DRD4: variants seen among roughly 807,000 people sequenced by gnomAD.
DRD4 encodes dopamine receptor D4, also known as D(4) dopamine receptor.
Under a neutral mutation model 22.1 loss-of-function variants are expected in DRD4, and 26 were observed. The observed-to-expected ratio is 1.17, with a 90% confidence interval of 0.86 to 1.63. The LOEUF is 1.63. Ranked by LOEUF, DRD4 falls within the 40% of genes most tolerant of loss-of-function variation. The probability of loss-of-function intolerance (pLI) is 0.00; values close to 1 mark genes in which losing one functional copy is unlikely to be tolerated. For synonymous variants in DRD4, 455 were observed against 306.7 expected, an observed-to-expected ratio of 1.48 and a Z score of -5.05; for missense variants, 913 against 632.4, an observed-to-expected ratio of 1.44 and a Z score of -4.76.
At position 637,359 on chromosome 11, in the gene DRD4, G is replaced by C. The variant is rs1858081781; in HGVS notation, c.55G>C (p.Ala19Pro). The change falls in exon 1 of 4, where the codon GCC becomes CCC. Residue 19 changes from alanine (A) to proline (P), a missense_variant. Transcript: ENST00000176183. ...ADGLLAGRGP[A>P]AGASAGASAG... The stretch of plus-strand genomic sequence containing the variant: ...CGGGCTGCTGGCTGGGCGCGGGCCG[G>C]CCGCGGGGGCATCTGCGGGGGCATC... 7.6e-7 allele frequency: 1 copy of C among 1,308,950 alleles called. No individual in the cohort carries two copies. The highest frequency in any genetic ancestry group is 1.6e-5 in the African/African-American group (1 of 64,280). 81.1% of individuals were successfully genotyped at this position (1,308,950 alleles called of 1,614,324 possible). A position where few individuals can be genotyped will look rare whatever the true frequency, so the allele number is the denominator to read the frequency against.
At chr11:638,442 C>T (rs2133249113) in intron 1 of DRD4, among the ~76,000 whole-genome samples, 1 of 152,310 alleles carries the variant, frequency 6.6e-6, no homozygotes, top group East Asian at 1.9e-4. Flanking sequence ...CTCCTAATCT[C>T]CCCAAATCGG....
Position 637,546 on chromosome 11 carries a change from T to A in DRD4, c.242T>A (p.Leu81His), listed in dbSNP as rs759566156. The A allele has an allele frequency of 9.8e-6, 15 of 1,523,106 alleles. No individual in the cohort carries two copies. The highest frequency in any genetic ancestry group is 8.2e-5 in the African/African-American group (6 of 73,588). 94.3% of individuals were successfully genotyped at this position (1,523,106 alleles called of 1,614,324 possible). A position where few individuals can be genotyped will look rare whatever the true frequency, so the allele number is the denominator to read the frequency against. The change falls in exon 1 of 4, where the codon CTC becomes CAC. Residue 81 changes from leucine to histidine, a missense_variant. Leu to His is a moderately conservative substitution (Grantham distance 99, BLOSUM62 -3). Coordinates refer to ENST00000176183, the MANE Select transcript of DRD4 (RefSeq NM_000797.4). ...ATCGTGAGCCTGGCGGCCGCCGACCTCCTCCTCGCTCTCCTGGTGCTGCCG... is the reference window on the plus strand; with the variant it reads ...ATCGTGAGCCTGGCGGCCGCCGACCACCTCCTCGCTCTCCTGGTGCTGCCG... ...SFIVSLAAAD[L>H]LLALLVLPLF...
intron 2 of DRD4, 26 bp from the exon 3 acceptor site, chr11:639,622 C>T (rs928910525): frequency 1.1e-5 from 15 of 1,406,726 alleles, no homozygotes; most frequent in Non-Finnish European, 6.5e-6. Context: ...GTGCGCTGTC[C>T]GGCGCCCCCT....
rs761666406 is a variant in DRD4 at position 640,367 on chromosome 11, CGG to C, written c.1058-29_1058-28del. On this transcript the variant is annotated intron_variant, in intron 3 of 3. Coordinates refer to ENST00000176183, the MANE Select transcript of DRD4 (RefSeq NM_000797.4). The stretch of plus-strand genomic sequence containing the variant: ...GGGGGGGGGTACGAGGCCGGCTGGG[CGG>C]GGGGCGCTAACGCGGCTCTCGGCGC... 3,512 of 1,582,154 alleles carry C rather than the reference CGG, an allele frequency of 2.2e-3. 45 individuals carry two copies. In the Admixed American group the frequency reaches 0.033, roughly 15 times the overall value.
chr11:639,674 G>A lies in DRD4; in HGVS notation c.425G>A (p.Arg142His). Residue 142 changes from arginine (R) to histidine (H), a missense_variant, in exon 3 of 4, where the codon CGC becomes CAC. Arg to His is a conservative substitution (Grantham distance 29). Coordinates refer to ENST00000176183, the MANE Select transcript of DRD4 (RefSeq NM_000797.4). ...DRFVAVAVPL[R>H]YNRQGGSRRQ... Reference sequence around the variant, plus strand: ...TTCGTGGCCGTGGCCGTGCCGCTGCGCTACAACCGGCAGGGTGGGAGCCGC... The same window carrying A: ...TTCGTGGCCGTGGCCGTGCCGCTGCACTACAACCGGCAGGGTGGGAGCCGC... 2.0e-6 allele frequency: 3 copies of A among 1,469,596 alleles called. No homozygotes were observed. Among genetic ancestry groups the A allele is most frequent in the Non-Finnish European group, 2.7e-6 (3 of 1,115,460 alleles). 91.0% of individuals were successfully genotyped at this position (1,469,596 alleles called of 1,614,324 possible).
At position 640,452 on chromosome 11, in the gene DRD4, C is replaced by T; in HGVS notation, c.1109C>T (p.Ala370Val). The change falls in exon 4 of 4, where the codon GCG becomes GTG. Residue 370 changes from alanine (A) to valine (V), a missense_variant. Ala to Val is a moderately conservative substitution (Grantham distance 64). Transcript: ENST00000176183. ...TTCTTCGTGGTGCACATCACGCAGGCGCTGTGTCCTGCCTGCTCCGTGCCC... is the reference window on the plus strand; with the variant it reads ...TTCTTCGTGGTGCACATCACGCAGGTGCTGTGTCCTGCCTGCTCCGTGCCC... ...TPFFVVHITQ[A>V]LCPACSVPPR... 1 of 1,601,780 alleles carries T rather than the reference C, an allele frequency of 6.2e-7. No individual in the cohort carries two copies. Among genetic ancestry groups the T allele is most frequent in the Non-Finnish European group, 8.5e-7 (1 of 1,179,788 alleles).
rs1160701661 is a variant in DRD4 at position 639,459 on chromosome 11, C to T, written c.312C>T (p.Ser104=). Residue 104 remains serine (S), a synonymous_variant, in exon 2 of 4, where the codon AGC becomes AGT. Coordinates refer to ENST00000176183, the MANE Select transcript of DRD4 (RefSeq NM_000797.4). ...TCCAGGGTGGCGCGTGGCTGCTGAG[C>T]CCCCGCCTGTGCGACGCCCTCATGG... The part of the protein sequence containing the change: ...SEVQGGAWLL[S]PRLCDALMAM... 1.9e-6 allele frequency: 3 copies of T among 1,599,244 alleles called. No individual in the cohort carries two copies. Among genetic ancestry groups the T allele is most frequent in the Non-Finnish European group, 8.5e-7 (1 of 1,178,162 alleles).
chr11:638,748 G>A (rs182900028), intron 1 of DRD4, among the ~76,000 whole-genome samples: 1 of 152,216 alleles, frequency 6.6e-6, no homozygotes, highest in Non-Finnish European at 1.5e-5. Context: ...TGAGCCCGAT[G>A]ATATCAGGCC....
At position 639,428 on chromosome 11, in the gene DRD4, C is replaced by T. The variant is rs1436701952; in HGVS notation, c.286-5C>T. 6.3e-7 allele frequency: 1 copy of T among 1,586,250 alleles called. No individual in the cohort carries two copies. Among genetic ancestry groups the T allele is most frequent in the Admixed American group, 1.7e-5 (1 of 58,882 alleles). On this transcript the variant is annotated splice_polypyrimidine_tract_variant and splice_region_variant and intron_variant, in intron 1 of 3. Coordinates refer to ENST00000176183, the MANE Select transcript of DRD4 (RefSeq NM_000797.4). The stretch of plus-strand genomic sequence containing the variant: ...AACCTCAGGGCCTGTGGTGTCGCCG[C>T]GCAGGTCCAGGGTGGCGCGTGGCTG...
Position 637,562 on chromosome 11 carries a change from G to T in DRD4, c.258G>T (p.Leu86=). Residue 86 remains leucine, a synonymous_variant, in exon 1 of 4, where the codon CTG becomes CTT. Transcript: ENST00000176183. ...LAAADLLLAL[L]VLPLFVYSEV... ...CCGCCGACCTCCTCCTCGCTCTCCT[G>T]GTGCTGCCGCTCTTCGTCTACTCCG... The T allele has an allele frequency of 1.3e-6, 2 of 1,558,158 alleles. No homozygotes were observed. The highest frequency in any genetic ancestry group is 2.4e-5 in the East Asian group (1 of 42,054).
chr11:637,628 C>T (rs1413418352), intron 1 of DRD4, 39 bp downstream of exon 1: 5 of 1,537,152 alleles, frequency 3.3e-6, no homozygotes, highest in East Asian at 4.9e-5. Context: ...CTCACCTGCT[C>T]CTCGGTTCCC....
intron 1 of DRD4, among the ~76,000 whole-genome samples, chr11:638,179 G>T (rs1359937924): frequency 6.6e-6 from 1 of 152,224 alleles, no homozygotes; most frequent in Non-Finnish European, 1.5e-5. Flanking sequence ...GGAATTGGGG[G>T]ATGGAGCCCA....
Position 640,604 on chromosome 11 carries a change from G to C in DRD4, c.*1G>C, listed in dbSNP as rs765531496. ...CAAGGCCCTGCGTGCCTGCTGCTGAGCCGGGCACCCCCGGACGCCCCCCGG... is the reference window on the plus strand; with the variant it reads ...CAAGGCCCTGCGTGCCTGCTGCTGACCCGGGCACCCCCGGACGCCCCCCGG... On this transcript the variant is annotated 3_prime_UTR_variant, in exon 4 of 4. Transcript: ENST00000176183. The C allele has an allele frequency of 1.3e-6, 2 of 1,599,228 alleles. No homozygotes were observed. The highest frequency in any genetic ancestry group is 4.5e-5 in the East Asian group (2 of 44,844).
Position 637,545 on chromosome 11 carries a change from C to CTCCT in DRD4, c.242_245dup (p.Leu83ProfsTer368). The CTCCT allele has an allele frequency of 6.6e-7, 1 of 1,523,522 alleles. No homozygotes were observed. The highest frequency in any genetic ancestry group is 8.9e-7 in the Non-Finnish European group (1 of 1,125,852). 94.4% of individuals were successfully genotyped at this position (1,523,522 alleles called of 1,614,324 possible). The stretch of plus-strand genomic sequence containing the variant: ...CATCGTGAGCCTGGCGGCCGCCGAC[C>CTCCT]TCCTCCTCGCTCTCCTGGTGCTGCC... On this transcript the variant is annotated frameshift_variant, in exon 1 of 4. Transcript: ENST00000176183. LOFTEE classifies it high-confidence loss of function.
At chr11:638,284 G>C (rs1288464393) in intron 1 of DRD4, among the ~76,000 whole-genome samples, 1 of 152,164 alleles carries the variant, frequency 6.6e-6, no homozygotes, top group African/African-American at 2.4e-5. Context: ...CTGGAGACGC[G>C]GTGTCCCCGA....
rs552947350 is a variant in DRD4, at chr11:640,347, G to C, written c.1057+41G>C. 5.7e-5 allele frequency: 88 copies of C among 1,548,336 alleles called. 1 individual carries two copies. In the East Asian group the frequency reaches 1.1e-3, roughly 18 times the overall value. On this transcript the variant is annotated intron_variant, in intron 3 of 3. Coordinates refer to ENST00000176183, the MANE Select transcript of DRD4 (RefSeq NM_000797.4). ...GAGGGGCGGGGAGGAGAGGAGGGGG[G>C]GGGTACGAGGCCGGCTGGGCGGGGG... is the stretch of plus-strand genomic sequence containing the variant.
At position 639,559 on chromosome 11, in the gene DRD4, C is replaced by T. The variant is rs1271267611; in HGVS notation, c.398+14C>T. 4 of 1,441,980 alleles carry T rather than the reference C, an allele frequency of 2.8e-6. No individual in the cohort carries two copies. The highest frequency in any genetic ancestry group is 3.6e-6 in the Non-Finnish European group (4 of 1,097,320). The allele number at this position is 1,441,980 out of a possible 1,614,324, so 89.3% of individuals were successfully genotyped here. On this transcript the variant is annotated intron_variant, in intron 2 of 3. Coordinates refer to ENST00000176183, the MANE Select transcript of DRD4 (RefSeq NM_000797.4). The stretch of plus-strand genomic sequence containing the variant: ...CAGCGTGGACAGGTGCGCCGCCCTC[C>T]CCGCCCGCGCCCCGGCGCCCCCGCG...
At position 639,914 on chromosome 11, in the gene DRD4, G is replaced by A; in HGVS notation, c.665G>A (p.Trp222Ter). Residue 222 changes from tryptophan (W) to a stop codon, truncating the protein, a stop_gained, in exon 3 of 4, where the codon TGG (tryptophan) becomes TAG (stop). Transcript: ENST00000176183. LOFTEE classifies it high-confidence loss of function. ...YWATFRGLQR[W>*]EVARRAKLHG... ...GCCACGTTCCGCGGCCTGCAGCGCTGGGAGGTGGCACGTCGCGCCAAGCTG... is the reference window on the plus strand; with the variant it reads ...GCCACGTTCCGCGGCCTGCAGCGCTAGGAGGTGGCACGTCGCGCCAAGCTG... 1 of 1,556,192 alleles carries A rather than the reference G, an allele frequency of 6.4e-7. No homozygotes were observed. The highest frequency in any genetic ancestry group is 8.6e-7 in the Non-Finnish European group (1 of 1,159,604).
Position 640,296 on chromosome 11 carries a change from G to A in DRD4, c.1047G>A (p.Pro349=), listed in dbSNP as rs1290539307. 3 of 1,536,760 alleles carry A rather than the reference G, an allele frequency of 2.0e-6. No individual in the cohort carries two copies. Among genetic ancestry groups the A allele is most frequent in the African/African-American group, 1.4e-5 (1 of 73,582 alleles). The change falls in exon 3 of 4, where the codon CCG becomes CCA. Residue 349 remains proline, a synonymous_variant. Coordinates refer to ENST00000176183, the MANE Select transcript of DRD4 (RefSeq NM_000797.4). ...AGCGCAAGGCCATGAGGGTCCTGCC[G>A]GTGGTGGTCGGTGGGTTCCTGTCCT... ...GRERKAMRVL[P]VVVGAFLLCW...
Sources: gnomAD v4.1 joint callset for allele counts (sites outside exome capture counted in the v4.1 genomes callset) on GRCh38, gnomAD v4.1.1 for gene constraint, MANE v1.5 for transcripts, NCBI Gene and HGNC (gene_info 2026-07-23, HGNC 2026-07-21) for gene names.